The following PTPRM variants were observed in gnomAD, a reference collection of about 807,000 sequenced individuals.
PTPRM encodes the protein receptor-type tyrosine-protein phosphatase mu.
In PTPRM, 47 loss-of-function variants were observed where a neutral mutation model predicts 186.7. The ratio of observed to expected loss-of-function variants is 0.25; its 90% CI spans 0.20 to 0.32. The LOEUF is 0.32. PTPRM is among the 10% of genes least tolerant of loss of function. The pLI, the probability that PTPRM is intolerant of heterozygous loss-of-function variation, is 1.00. For missense variants in PTPRM, 1,494 were observed against 1,865.0 expected (o/e 0.80, Z 3.66); for synonymous variants, 668 against 674.9 (o/e 0.99, Z 0.16).
chr18:8,185,204 A>G (rs2093626214), intron 14 of PTPRM, among the ~76,000 whole-genome samples: 1 of 152,214 alleles, frequency 6.6e-6, no homozygotes, highest in Non-Finnish European at 1.5e-5. Context: ...ATCCATGCCA[A>G]ATACTTTCAA....
At chr18:8,210,633 A>C (rs1190094996) in intron 14 of PTPRM, among the ~76,000 whole-genome samples, 2 of 152,218 alleles carry the variant, frequency 1.3e-5, no homozygotes, top group South Asian at 2.1e-4. Flanking sequence ...CCAAGTGGGA[A>C]AGCCGAGGTC....
chr18:7,798,493 C>A (rs2043786067), intron 2 of PTPRM, among the ~76,000 whole-genome samples: 1 of 151,366 alleles, frequency 6.6e-6, no homozygotes, highest in Non-Finnish European at 1.5e-5. Context: ...CATGCCATTG[C>A]ACTCTAGCCT....
intron 2 of PTPRM, among the ~76,000 whole-genome samples, chr18:7,801,793 T>G (rs1172160777): frequency 6.6e-6 from 1 of 152,148 alleles, no homozygotes; most frequent in African/African-American, 2.4e-5. Flanking sequence ...CTTAAAGTCT[T>G]ATGGGACCAT....
chr18:8,150,303 T>C (rs1388429569), intron 14 of PTPRM, among the ~76,000 whole-genome samples: 3 of 152,228 alleles, frequency 2.0e-5, no homozygotes, highest in African/African-American at 7.2e-5. Context: ...GATTTGGTCT[T>C]TTCACATAGT....
chr18:8,050,449 A>T (rs1344711124), intron 7 of PTPRM, among the ~76,000 whole-genome samples: 5 of 151,670 alleles, frequency 3.3e-5, no homozygotes, highest in Admixed American at 3.3e-4. Context: ...TATGAATATG[A>T]ATATTGAACT....
At chr18:7,903,521 C>A (rs2049811348) in intron 3 of PTPRM, among the ~76,000 whole-genome samples, 1 of 152,166 alleles carries the variant, frequency 6.6e-6, no homozygotes, top group African/African-American at 2.4e-5. Flanking sequence ...TCTCAATATT[C>A]ATTTTCCTTT....
chr18:8,154,177 A>T (rs2093070970), intron 14 of PTPRM, among the ~76,000 whole-genome samples: 1 of 152,168 alleles, frequency 6.6e-6, no homozygotes, highest in South Asian at 2.1e-4. Context: ...CCTCAATTAA[A>T]AGGGAAGCCG....
chr18:8,111,769 G>T (rs62089555), intron 11 of PTPRM, among the ~76,000 whole-genome samples: 1 of 152,038 alleles, frequency 6.6e-6, no homozygotes, highest in Non-Finnish European at 1.5e-5. Context: ...CTCTCATTTC[G>T]TAGGAGAAAA....
chr18:8,310,747 C>T (rs2095261824), intron 20 of PTPRM, among the ~76,000 whole-genome samples: 1 of 152,058 alleles, frequency 6.6e-6, no homozygotes, highest in African/African-American at 2.4e-5. Flanking sequence ...TTTTCCATTG[C>T]CTTAAGTCCC....
chr18:7,986,065 A>G (rs1433574653), intron 7 of PTPRM, among the ~76,000 whole-genome samples: 4 of 152,176 alleles, frequency 2.6e-5, no homozygotes, highest in Non-Finnish European at 2.9e-5. Flanking sequence ...TATGCTTTGA[A>G]GTTTGAAGAT....
chr18:7,702,065 A>G (rs1189358895), intron 1 of PTPRM, among the ~76,000 whole-genome samples: 1 of 152,256 alleles, frequency 6.6e-6, no homozygotes, highest in African/African-American at 2.4e-5. Flanking sequence ...TCCATGGTGT[A>G]TATGTGCCAC....
At chr18:8,173,036 G>A (rs2093428269) in intron 14 of PTPRM, among the ~76,000 whole-genome samples, 1 of 152,170 alleles carries the variant, frequency 6.6e-6, no homozygotes, top group Admixed American at 6.5e-5. Flanking sequence ...TCAGGGATTA[G>A]GAGTGGTAGA....
chr18:7,705,803 C>A (rs925002610), intron 1 of PTPRM, among the ~76,000 whole-genome samples: 1 of 151,532 alleles, frequency 6.6e-6, no homozygotes, highest in African/African-American at 2.4e-5. Flanking sequence ...AAGTAGTCCT[C>A]CTGCCTCAGC....
At chr18:8,108,521 A>G (rs1568354203) in intron 11 of PTPRM, among the ~76,000 whole-genome samples, 1 of 152,226 alleles carries the variant, frequency 6.6e-6, no homozygotes, top group Non-Finnish European at 1.5e-5. Context: ...AGTTAATTTC[A>G]CATATGTATG....
intron 22 of PTPRM, among the ~76,000 whole-genome samples, chr18:8,328,733 C>T (rs933252943): frequency 6.6e-6 from 1 of 152,140 alleles, no homozygotes; most frequent in East Asian, 1.9e-4. Flanking sequence ...TTATACAGAC[C>T]CTGCCTGCAT....
intron 1 of PTPRM, among the ~76,000 whole-genome samples, chr18:7,664,244 C>T (rs969488830): frequency 3.9e-5 from 6 of 152,326 alleles, no homozygotes; most frequent in Non-Finnish European, 5.9e-5. Flanking sequence ...CAGGGTGGGG[C>T]CAGGGCGCCA....
chr18:7,601,433 A>G (rs886624341), intron 1 of PTPRM, among the ~76,000 whole-genome samples: 51 of 152,214 alleles, frequency 3.4e-4, no homozygotes, highest in African/African-American at 1.2e-3. Flanking sequence ...ACAGTTCTGG[A>G]GGCCAGGTCT....
chr18:8,167,183 C>T (rs76968759), intron 14 of PTPRM, among the ~76,000 whole-genome samples: 1,909 of 152,268 alleles, frequency 0.013, 36 homozygotes, highest in African/African-American at 0.043. Flanking sequence ...GTCATCTTCA[C>T]GCACCAATAG....
At chr18:7,662,600 A>G (rs1395002591) in intron 1 of PTPRM, among the ~76,000 whole-genome samples, 2 of 152,064 alleles carry the variant, frequency 1.3e-5, no homozygotes, top group African/African-American at 2.4e-5. Context: ...GGGAGGGTTA[A>G]AGAGTACTAA....
Sources: allele counts gnomAD v4.1 joint callset (sites outside exome capture counted in the v4.1 genomes callset), GRCh38; gene constraint gnomAD v4.1.1; transcripts MANE v1.5; gene names NCBI Gene and HGNC (gene_info 2026-07-23, HGNC 2026-07-21).